Variants in SCART1 observed in about 807,000 individuals in gnomAD.
SCART1 encodes scavenger receptor family member expressed on T cells 1, also known as scavenger receptor cysteine-rich domain-containing protein SCART1.
SCART1 carries 62 observed loss-of-function variants against 36.2 expected under a neutral mutation model. The ratio of observed to expected loss-of-function variants is 1.71; its 90% CI spans 1.40 to 2.12. The LOEUF is 2.12. SCART1 is among the 30% of genes most tolerant of loss of function. The pLI is 0.00. For synonymous variants in SCART1, 487 were observed against 238.7 expected, an observed-to-expected ratio of 2.04 and a Z score of -9.59; for missense variants, 1,041 against 540.5, an observed-to-expected ratio of 1.93 and a Z score of -9.18.
intron 6 of SCART1, among the ~76,000 whole-genome samples, chr10:133,462,647 C>G (rs1850715614): frequency 6.6e-6 from 1 of 152,212 alleles, no homozygotes; most frequent in South Asian, 2.1e-4. Flanking sequence ...GCTGCTGGTT[C>G]TCCGTCCCAG....
Position 133,459,339 on chromosome 10 carries a change from A to C in SCART1, c.1285+13A>C. The stretch of plus-strand genomic sequence containing the variant: ...GCGGTCTGCTCAGGTGGGTGCAGCC[A>C]GGACGGTGGACCAGGAGGGTGAGTG... On this transcript the variant is annotated intron_variant, in intron 5 of 11. Transcript: ENST00000640237. The C allele has an allele frequency of 1.6e-6, 1 of 625,112 alleles. No individual in the cohort carries two copies. Among genetic ancestry groups the C allele is most frequent in the South Asian group, 1.8e-5 (1 of 54,840 alleles). The allele number at this position is 625,112 out of a possible 1,614,324, so 38.7% of individuals were successfully genotyped here. A position where few individuals can be genotyped will look rare whatever the true frequency, so the allele number is the denominator to read the frequency against.
chr10:133,459,202 C>G (rs61741790), exon 5 of SCART1: 1 of 702,264 alleles, frequency 1.4e-6, no homozygotes, highest in Non-Finnish European at 2.6e-6. Flanking sequence ...GGGACGGGGA[C>G]GCTGCCATCT....
chr10:133,463,106 G>T (rs1457717311), intron 6 of SCART1, among the ~76,000 whole-genome samples: 1 of 152,130 alleles, frequency 6.6e-6, no homozygotes, highest in Admixed American at 6.5e-5. Flanking sequence ...GCCATTAGGT[G>T]ACCATATTAG....
chr10:133,462,990 T>C (rs949646644), intron 6 of SCART1, among the ~76,000 whole-genome samples: 2 of 152,206 alleles, frequency 1.3e-5, no homozygotes, highest in African/African-American at 4.8e-5. Flanking sequence ...GATATGATCC[T>C]ATCAGATGCA....
intron 1 of SCART1, 48 bp from the exon 2 acceptor site, chr10:133,456,189 C>A (rs569824065): frequency 1.5e-5 from 10 of 670,488 alleles, no homozygotes; most frequent in African/African-American, 3.5e-5. Flanking sequence ...TCTCCTCCTG[C>A]GCCTCTGGTT....
rs1411852339 is a variant in SCART1 at position 133,464,741 on chromosome 10, TG to T, written c.2109del (p.Cys704ValfsTer221). 2.1e-5 allele frequency: 11 copies of T among 535,734 alleles called. No individual in the cohort carries two copies. The highest frequency in any genetic ancestry group is 1.0e-4 in the African/African-American group (2 of 20,068). The allele number at this position is 535,734 out of a possible 1,614,324, so 33.2% of individuals were successfully genotyped here. ...TCCTTGTCCATCATCTGCAAGCAGC[TG>T]GGGTGTGGGGTGTGGGGAGTGGGGC... On this transcript the variant is annotated frameshift_variant, in exon 7 of 12. Transcript: ENST00000640237. LOFTEE classifies it high-confidence loss of function.
exon 6 of SCART1, chr10:133,459,561 G>C (rs1451441753): frequency 4.4e-6 from 3 of 681,596 alleles, no homozygotes; most frequent in East Asian, 5.4e-5. Context: ...CCTGGATGGC[G>C]TGTGGGGCCG....
chr10:133,458,973 T>C (rs1392175341), intron 4 of SCART1, 48 bp from the exon 5 acceptor site: 1 of 643,628 alleles, frequency 1.6e-6, no homozygotes, highest in South Asian at 1.7e-5. Flanking sequence ...GACAGCCATG[T>C]TCTGGGTCGG....
At chr10:133,467,334 G>T in exon 11 of SCART1, 2 of 702,412 alleles carry the variant, frequency 2.8e-6, no homozygotes, top group Non-Finnish European at 5.2e-6. Context: ...GTGTGGTGAA[G>T]GTGGACACAG....
At chr10:133,456,211 C>T (rs1850608630) in intron 1 of SCART1, 26 bp from the exon 2 acceptor site, 1 of 694,478 alleles carries the variant, frequency 1.4e-6, no homozygotes, top group Non-Finnish European at 2.6e-6. Context: ...GTTCTGGCCC[C>T]TCTAACTGGA....
At position 133,465,818 on chromosome 10, in the gene SCART1, T is replaced by C; in HGVS notation, c.2659+253T>C. 4.3e-6 allele frequency: 3 copies of C among 695,880 alleles called. No homozygotes were observed. In the South Asian group the frequency reaches 4.5e-5, roughly 10 times the overall value. The allele number at this position is 695,880 out of a possible 1,614,324, so 43.1% of individuals were successfully genotyped here. A position where few individuals can be genotyped will look rare whatever the true frequency, so the allele number is the denominator to read the frequency against. ...TTCCAATCCTTGTTCATTTCGGGTA[T>C]GTGTCACCTGGGTGTTGGCAGGTTC... On this transcript the variant is annotated intron_variant, in intron 9 of 11. Transcript: ENST00000640237.
At chr10:133,465,971 T>C (rs1371760384) in intron 9 of SCART1, 1 of 668,312 alleles carries the variant, frequency 1.5e-6, no homozygotes, top group Non-Finnish European at 2.7e-6. Context: ...TGGTCACCTC[T>C]TGTGACTTGC....
chr10:133,460,128 C>T, exon 6 of SCART1: 1 of 516,434 alleles, frequency 1.9e-6, no homozygotes, highest in East Asian at 3.5e-5. Context: ...CTGGGGGCGG[C>T]ACGACTGGAG....
At chr10:133,466,151 TGGGCCCTTGGA>T in intron 9 of SCART1, 73 bp from the exon 10 acceptor site, 2 of 654,940 alleles carry the variant, frequency 3.1e-6, no homozygotes, top group Non-Finnish European at 5.5e-6. Context: ...AGGGTGTGGC[TGGGCCCTTGGA>T]GCCACCCTGT....
At chr10:133,459,626 C>T (rs1850668618) in exon 6 of SCART1, 3 of 675,264 alleles carry the variant, frequency 4.4e-6, no homozygotes, top group South Asian at 3.1e-5. Context: ...GCCGGCAACT[C>T]GGGTGCAGAG....
chr10:133,466,885 T>C (rs937188299), intron 10 of SCART1: 4 of 266,676 alleles, frequency 1.5e-5, no homozygotes, highest in Admixed American at 5.0e-5. Flanking sequence ...GCTCATTTTA[T>C]TGGCCAGAGA....
At chr10:133,459,709 G>C (rs759479084) in exon 6 of SCART1, 10 of 700,414 alleles carry the variant, frequency 1.4e-5, no homozygotes, top group South Asian at 7.4e-5. Context: ...CGCGTGCGCT[G>C]TCTGGGCACC....
At chr10:133,461,873 G>A (rs1461386189) in intron 6 of SCART1, among the ~76,000 whole-genome samples, 1 of 152,218 alleles carries the variant, frequency 6.6e-6, no homozygotes, top group Non-Finnish European at 1.5e-5. Flanking sequence ...TCTCTGGTTT[G>A]CAGCATTTTC....
chr10:133,456,807 G>A (rs371137990), intron 2 of SCART1, among the ~76,000 whole-genome samples: 33 of 152,306 alleles, frequency 2.2e-4, no homozygotes, highest in African/African-American at 3.1e-4. Context: ...AGCAGAGTGC[G>A]GCCCAGGCGT....
Sources: allele counts gnomAD v4.1 joint callset (sites outside exome capture counted in the v4.1 genomes callset), GRCh38; gene constraint gnomAD v4.1.1; transcripts MANE v1.5; gene names NCBI Gene and HGNC (gene_info 2026-07-23, HGNC 2026-07-21).